The following ANKRD24 variants were observed in gnomAD, a reference collection of about 807,000 sequenced individuals.
The protein encoded by ANKRD24 is ankyrin repeat domain-containing protein 24.
In ANKRD24, 109 loss-of-function variants were observed where a neutral mutation model predicts 127.8. That is an observed-to-expected ratio of 0.85 (90% CI 0.73 to 1.00). The LOEUF is 1.00. Among genes scored for constraint, ANKRD24 ranks in the 50% least tolerant of loss-of-function variants. ANKRD24 has a pLI of 0.00. For missense variants in ANKRD24, 1,648 were observed against 1,570.2 expected (o/e 1.05, Z -0.84); for synonymous variants, 743 against 671.1 (o/e 1.11, Z -1.66).
intron 7 of ANKRD24, among the ~76,000 whole-genome samples, chr19:4,206,560 G>A (rs1377813642): frequency 2.6e-5 from 4 of 151,984 alleles, no homozygotes; most frequent in South Asian, 2.1e-4. Context: ...TTGGGAGGCC[G>A]AGGCAGGAGG....
chr19:4,217,254 G>A lies in ANKRD24; in HGVS notation c.2094G>A (p.Glu698=). The A allele has an allele frequency of 6.3e-7, 1 of 1,584,332 alleles. No homozygotes were observed. Among genetic ancestry groups the A allele is most frequent in the Non-Finnish European group, 8.6e-7 (1 of 1,165,702 alleles). ...SATGVENPGV[E]ATVPGISAGP... ...CAGGTGTGGAGAACCCAGGGGTAGA[G>A]GCCACGGTCCCGGGGATCTCTGCTG... Residue 698 remains glutamate (E), a synonymous_variant, in exon 18 of 22, where the codon GAG becomes GAA. Coordinates refer to ENST00000318934, the MANE Select transcript of ANKRD24 (RefSeq NM_001393985.1).
chr19:4,207,065 C>T, intron 7 of ANKRD24, 177 bp from the exon 8 acceptor site: 1 of 610,054 alleles, frequency 1.6e-6, no homozygotes, highest in Non-Finnish European at 2.9e-6. Flanking sequence ...ACACACACCA[C>T]CACACCCAGA....
chr19:4,188,132 C>T (rs983950577), intron 2 of ANKRD24, among the ~76,000 whole-genome samples: 6 of 151,990 alleles, frequency 3.9e-5, no homozygotes, highest in African/African-American at 1.5e-4. Flanking sequence ...GGCTGGAGTG[C>T]CGTGGCTTGA....
At chr19:4,184,571 C>T (rs1003512410) in intron 1 of ANKRD24, among the ~76,000 whole-genome samples, 1 of 152,220 alleles carries the variant, frequency 6.6e-6, no homozygotes, top group Admixed American at 6.5e-5. Context: ...TCACCTCTTC[C>T]AGCAAGCAGC....
At position 4,217,459 on chromosome 19, in the gene ANKRD24, C is replaced by G; in HGVS notation, c.2299C>G (p.Arg767Gly). The G allele has an allele frequency of 3.3e-6, 5 of 1,499,572 alleles. No homozygotes were observed. The highest frequency in any genetic ancestry group is 4.4e-6 in the Non-Finnish European group (5 of 1,127,656). 92.9% of individuals were successfully genotyped at this position (1,499,572 alleles called of 1,614,324 possible). Residue 767 changes from arginine (R) to glycine (G), a missense_variant, in exon 18 of 22, where the codon CGT (arginine) becomes GGT (glycine). Physicochemically the swap from Arg to Gly is moderately radical, Grantham distance 125. Transcript: ENST00000318934. ...GGCCGAGGCAGGCCGGCTGCGAGAGCGTGTCCGCGAGGCCGAGGGCAGCGG... is the reference window on the plus strand; with the variant it reads ...GGCCGAGGCAGGCCGGCTGCGAGAGGGTGTCCGCGAGGCCGAGGGCAGCGG... ...AEAEAGRLRERVREAEGSGAS... is the reference protein window; with the variant it reads ...AEAEAGRLREGVREAEGSGAS...
rs372039078 is a variant in ANKRD24, at chr19:4,219,635, C to T, written c.3048C>T (p.Ala1016=). Residue 1016 remains alanine (A), a synonymous_variant, in exon 19 of 22, where the codon GCC becomes GCT. Coordinates refer to ENST00000318934, the MANE Select transcript of ANKRD24 (RefSeq NM_001393985.1). ...TCATGAAGAGTGAGCGACACGCAGC[C>T]GAGGCACAGCTGGCCACAGCAGAGC... is the stretch of plus-strand genomic sequence containing the variant. The part of the protein sequence containing the change: ...ALFMKSERHA[A]EAQLATAEQQ... The T allele has an allele frequency of 6.2e-6, 10 of 1,613,558 alleles. No individual in the cohort carries two copies. Among genetic ancestry groups the T allele is most frequent in the African/African-American group, 5.3e-5 (4 of 74,908 alleles).
At chr19:4,215,898 C>G in intron 15 of ANKRD24, 80 bp from the exon 16 acceptor site, 2 of 1,152,428 alleles carry the variant, frequency 1.7e-6, no homozygotes, top group Non-Finnish European at 1.3e-6. Flanking sequence ...GTGAACAGCC[C>G]AGTCCCCACT....
chr19:4,222,693 C>T lies in ANKRD24; in HGVS notation c.3195C>T (p.Val1065=). Residue 1065 remains valine (V), a synonymous_variant, in exon 20 of 22, where the codon GTC becomes GTT. Transcript: ENST00000318934. ...AGATCACAGAACTCTCCAAAGAAGT[C>T]TTCAATCTTAAGGAAGCCTTGAAGG... The part of the protein sequence containing the change: ...DKKITELSKE[V]FNLKEALKEQ... The T allele has an allele frequency of 1.1e-5, 18 of 1,611,394 alleles. No homozygotes were observed. Among genetic ancestry groups the T allele is most frequent in the Non-Finnish European group, 1.4e-5 (17 of 1,178,290 alleles).
rs765728266 is a variant in ANKRD24 at position 4,212,498 on chromosome 19, C to G, written c.1083C>G (p.His361Gln). 14 of 1,568,972 alleles carry G rather than the reference C, an allele frequency of 8.9e-6. No homozygotes were observed. The highest frequency in any genetic ancestry group is 1.2e-5 in the Non-Finnish European group (14 of 1,158,844). Residue 361 changes from histidine to glutamine, a missense_variant, in exon 14 of 22, where the codon CAC becomes CAG. Transcript: ENST00000318934. ...QQESPEASSL[H>Q]ILERQVQELQ... is the part of the protein sequence containing the mutation. ...AGTCCCCGGAGGCCAGCTCCCTGCA[C>G]ATCCTGGAGAGACAGGTAGGTGGGA...
chr19:4,202,500 G>A (rs1175902019), intron 6 of ANKRD24, among the ~76,000 whole-genome samples: 1 of 152,068 alleles, frequency 6.6e-6, no homozygotes, highest in Non-Finnish European at 1.5e-5. Context: ...AACTTGGGAG[G>A]CGGAGGTTGC....
chr19:4,183,099 C>T (rs1291744397), intron 1 of ANKRD24, among the ~76,000 whole-genome samples: 4 of 151,934 alleles, frequency 2.6e-5, no homozygotes, highest in Non-Finnish European at 5.9e-5. Flanking sequence ...CTGCCTCAGC[C>T]TCCCTAGTAG....
At position 4,216,313 on chromosome 19, in the gene ANKRD24, A is replaced by C. The variant is rs1296832477; in HGVS notation, c.1300A>C (p.Ser434Arg). 1 of 1,559,350 alleles carries C rather than the reference A, an allele frequency of 6.4e-7. No individual in the cohort carries two copies. The highest frequency in any genetic ancestry group is 2.4e-5 in the East Asian group (1 of 41,546). ...GAEVLLSRQL[S>R]PSAQEHLASL... ...CGAGGTGCTGCTGTCCAGACAACTC[A>C]GTCCGTCGGCCCAGGAACACCTGGC... Residue 434 changes from serine (S) to arginine (R), a missense_variant, in exon 17 of 22, where the codon AGT (serine) becomes CGT (arginine). Physicochemically the swap from Ser to Arg is moderately radical, Grantham distance 110 (BLOSUM62 -1). Coordinates refer to ENST00000318934, the MANE Select transcript of ANKRD24 (RefSeq NM_001393985.1).
At chr19:4,204,397 C>T (rs1205215385) in intron 7 of ANKRD24, among the ~76,000 whole-genome samples, 4 of 152,080 alleles carry the variant, frequency 2.6e-5, no homozygotes, top group Admixed American at 6.6e-5. Flanking sequence ...GTCACTTGTC[C>T]GCAGCAGGTA....
At chr19:4,191,004 G>A (rs1454756401) in intron 2 of ANKRD24, among the ~76,000 whole-genome samples, 2 of 152,168 alleles carry the variant, frequency 1.3e-5, no homozygotes, top group Non-Finnish European at 2.9e-5. Context: ...GGGAGGGGTC[G>A]GGACAAAGTC....
rs755241270 is a variant in ANKRD24, at chr19:4,217,320, G to A, written c.2160G>A (p.Lys720=). Residue 720 remains lysine (K), a synonymous_variant, in exon 18 of 22, where the codon AAG becomes AAA. Transcript: ENST00000318934. ...CTGGTGCCGCAGAGGCCTCGGAAAAGCTTCAAGTAGAGCTGGAGACCAGGA... is the reference window on the plus strand; with the variant it reads ...CTGGTGCCGCAGAGGCCTCGGAAAAACTTCAAGTAGAGCTGGAGACCAGGA... ...LHPGAAEASE[K]LQVELETRIR... is the part of the protein sequence containing the mutation. 1.3e-5 allele frequency: 20 copies of A among 1,552,060 alleles called. No individual in the cohort carries two copies. The highest frequency in any genetic ancestry group is 2.4e-5 in the South Asian group (2 of 84,124).
rs756309758 is a variant in ANKRD24 at position 4,216,716 on chromosome 19, C to T, written c.1556C>T (p.Pro519Leu). 5.1e-6 allele frequency: 8 copies of T among 1,578,312 alleles called. No individual in the cohort carries two copies. In the Admixed American group the frequency reaches 1.1e-4, roughly 22 times the overall value. The change falls in exon 18 of 22, where the codon CCC (proline) becomes CTC (leucine). Residue 519 changes from proline (P) to leucine (L), a missense_variant. Coordinates refer to ENST00000318934, the MANE Select transcript of ANKRD24 (RefSeq NM_001393985.1). ...AGGCAGCAGGAGACACGAGAGGTCC[C>T]CAGAGAAGAGGGGGCAGCCTGTGGG... Reference protein sequence around the residue: ...ALRQQETREVPREEGAACGES... With the variant: ...ALRQQETREVLREEGAACGES...
intron 19 of ANKRD24, among the ~76,000 whole-genome samples, chr19:4,221,439 A>G (rs1420588663): frequency 6.6e-6 from 1 of 151,814 alleles, no homozygotes; most frequent in African/African-American, 2.4e-5. Context: ...CATATTGCCC[A>G]GGTTGGTCTC....
At position 4,215,992 on chromosome 19, in the gene ANKRD24, T is replaced by C. The variant is rs186947505; in HGVS notation, c.1212T>C (p.Asn404=). Reference sequence around the variant, plus strand: ...CCTCCCCCCAGAACGAGCGGGAGAATACTAGCTATGACGTAACCACCCTGC... The same window carrying C: ...CCTCCCCCCAGAACGAGCGGGAGAACACTAGCTATGACGTAACCACCCTGC... The part of the protein sequence containing the change: ...RLSLLENERE[N]TSYDVTTLQD... Residue 404 remains asparagine, a synonymous_variant, in exon 16 of 22, where the codon AAT becomes AAC. Transcript: ENST00000318934. 7.3e-3 allele frequency: 11,684 copies of C among 1,596,490 alleles called. 60 individuals are homozygous for C. Among genetic ancestry groups the C allele is most frequent in the Middle Eastern group, 8.8e-3 (53 of 6,044 alleles).
At position 4,188,378 on chromosome 19, in the gene ANKRD24, A is replaced by ATTTT. The variant is rs34131628; in HGVS notation, c.36+1937_36+1940dup. Among the ~76,000 whole-genome samples the ATTTT allele has an allele frequency of 3.5e-3, 289 of 83,604 alleles. 4 individuals carry two copies. Among genetic ancestry groups the ATTTT allele is most frequent in the African/African-American group, 0.011 (229 of 21,296 alleles). 54.8% of individuals were successfully genotyped at this position (83,604 alleles called of 152,430 possible). A position where few individuals can be genotyped will look rare whatever the true frequency, so the allele number is the denominator to read the frequency against. ...AGGCATGAGCCACCACGCTTGGTCC[A>ATTTT]TTTTTTTTTTTTTTTTTTTTTTTGA... On this transcript the variant is annotated intron_variant, in intron 2 of 21. Coordinates refer to ENST00000318934, the MANE Select transcript of ANKRD24 (RefSeq NM_001393985.1).
Sources: allele counts gnomAD v4.1 joint callset (sites outside exome capture counted in the v4.1 genomes callset), GRCh38; gene constraint gnomAD v4.1.1; transcripts MANE v1.5; gene names NCBI Gene and HGNC (gene_info 2026-07-23, HGNC 2026-07-21).